The following DENR variants were observed in gnomAD, a reference collection of about 807,000 sequenced individuals.
DENR encodes the protein density regulated re-initiation and release factor, also known as density-regulated protein.
Under a neutral mutation model 30.6 loss-of-function variants are expected in DENR, and 6 were observed. That is an observed-to-expected ratio of 0.20 (90% CI 0.11 to 0.39). DENR has a LOEUF of 0.39. Ranked by LOEUF, DENR falls within the 10% of genes least tolerant of loss-of-function variation. The probability of loss-of-function intolerance (pLI) is 1.00; values close to 1 mark genes in which losing one functional copy is unlikely to be tolerated. For missense variants in DENR, 141 were observed against 230.9 expected (o/e 0.61, Z 2.52); for synonymous variants, 78 against 72.1 (o/e 1.08, Z -0.41).
At chr12:122,764,779 A>G (rs1234340211) in intron 4 of DENR, among the ~76,000 whole-genome samples, 1 of 152,172 alleles carries the variant, frequency 6.6e-6, no homozygotes, top group Non-Finnish European at 1.5e-5. Context: ...TGCCCCACTC[A>G]TTGCTCCTTG....
Position 122,753,794 on chromosome 12 carries a change from C to A in DENR, c.93C>A (p.Val31=). 1 of 1,613,504 alleles carries A rather than the reference C, an allele frequency of 6.2e-7. No homozygotes were observed. Among genetic ancestry groups the A allele is most frequent in the Non-Finnish European group, 8.5e-7 (1 of 1,179,610 alleles). ...AKLDADYPLR[V]LYCGVCSLPT... is the part of the protein sequence containing the mutation. ...TAGATGCCGATTACCCACTTCGAGTCCTTTATTGTGGAGGCAAGTGTTGGT... is the reference window on the plus strand; with the variant it reads ...TAGATGCCGATTACCCACTTCGAGTACTTTATTGTGGAGGCAAGTGTTGGT... The change falls in exon 2 of 8, where the codon GTC becomes GTA. Residue 31 remains valine (V), a synonymous_variant. Transcript: ENST00000280557.
chr12:122,763,649 C>T (rs1188702730), intron 4 of DENR, among the ~76,000 whole-genome samples: 1 of 152,058 alleles, frequency 6.6e-6, no homozygotes, highest in Non-Finnish European at 1.5e-5. Context: ...TGCAGTGAGC[C>T]GAGATGGCAC....
chr12:122,768,484 C>G (rs2135513243), intron 6 of DENR, among the ~76,000 whole-genome samples: 1 of 150,164 alleles, frequency 6.7e-6, no homozygotes, highest in South Asian at 2.1e-4. Flanking sequence ...GGCAACAGAG[C>G]AAGACTCCGT....
chr12:122,764,961 C>T (rs991854121), intron 4 of DENR, among the ~76,000 whole-genome samples: 4 of 152,136 alleles, frequency 2.6e-5, no homozygotes, highest in Admixed American at 1.3e-4. Context: ...CATGTCTGAG[C>T]GGGTGGGGAG....
At position 122,769,498 on chromosome 12, in the gene DENR, C is replaced by T; in HGVS notation, c.*420C>T. The T allele has an allele frequency of 6.2e-6, 6 of 968,362 alleles. No homozygotes were observed. Among genetic ancestry groups the T allele is most frequent in the Non-Finnish European group, 7.3e-6 (6 of 819,870 alleles). 60.0% of individuals were successfully genotyped at this position (968,362 alleles called of 1,614,324 possible). The stretch of plus-strand genomic sequence containing the variant: ...TTTGGTCATTTGGTACTGACTTTCT[C>T]TCTCTCTCTCTCTCTCTTTTTTTTT... On this transcript the variant is annotated 3_prime_UTR_variant, in exon 8 of 8. Coordinates refer to ENST00000280557, the MANE Select transcript of DENR (RefSeq NM_003677.5).
chr12:122,757,312 A>G (rs568095779), intron 2 of DENR, among the ~76,000 whole-genome samples: 2 of 152,346 alleles, frequency 1.3e-5, no homozygotes, highest in African/African-American at 4.8e-5. Context: ...ATTGTGCTCC[A>G]TATACAGAAA....
chr12:122,755,329 C>G (rs1878519233), intron 2 of DENR, among the ~76,000 whole-genome samples: 2 of 152,158 alleles, frequency 1.3e-5, no homozygotes, highest in South Asian at 4.1e-4. Context: ...CTTGTAATCC[C>G]AGCACTTTGG....
chr12:122,763,190 A>G (rs928253913), intron 4 of DENR: 3 of 280,690 alleles, frequency 1.1e-5, no homozygotes, highest in Non-Finnish European at 2.0e-5. Context: ...TCACAAGGTC[A>G]GGAGATCAAG....
At chr12:122,761,198 G>A (rs1314059505) in intron 2 of DENR, among the ~76,000 whole-genome samples, 2 of 152,086 alleles carry the variant, frequency 1.3e-5, no homozygotes, top group Admixed American at 6.5e-5. Context: ...GATTACCTGA[G>A]GTCAGGAGTT....
chr12:122,760,804 C>T (rs1266245099), intron 2 of DENR, among the ~76,000 whole-genome samples: 1 of 152,130 alleles, frequency 6.6e-6, no homozygotes, highest in Non-Finnish European at 1.5e-5. Context: ...GAAGCTTTTC[C>T]AGTTCTTCTA....
At chr12:122,766,734 T>C (rs1463425843) in intron 5 of DENR, among the ~76,000 whole-genome samples, 1 of 152,194 alleles carries the variant, frequency 6.6e-6, no homozygotes, top group Non-Finnish European at 1.5e-5. Context: ...CAGTTCTTGC[T>C]TCTGTTCTTT....
chr12:122,765,209 G>A, intron 4 of DENR, 95 bp from the exon 5 acceptor site: 5 of 885,632 alleles, frequency 5.6e-6, no homozygotes, highest in South Asian at 1.7e-5. Flanking sequence ...TTGGTAAGAT[G>A]CCTTATTTGT....
chr12:122,769,420 A>C lies in DENR; in HGVS notation c.*342A>C. ...TGTTTTTTTATTGCCAAAGTCAAAT[A>C]AACGGGAGACTGTCATGCTCATGCA... On this transcript the variant is annotated 3_prime_UTR_variant, in exon 8 of 8. Coordinates refer to ENST00000280557, the MANE Select transcript of DENR (RefSeq NM_003677.5). 1 of 987,400 alleles carries C rather than the reference A, an allele frequency of 1.0e-6. No homozygotes were observed. The highest frequency in any genetic ancestry group is 1.2e-6 in the Non-Finnish European group (1 of 831,088). The allele number at this position is 987,400 out of a possible 1,614,324, so 61.2% of individuals were successfully genotyped here. A position where few individuals can be genotyped will look rare whatever the true frequency, so the allele number is the denominator to read the frequency against.
At position 122,762,188 on chromosome 12, in the gene DENR, C is replaced by A; in HGVS notation, c.108C>A (p.Val36=). The change falls in exon 3 of 8, where the codon GTC becomes GTA. Residue 36 remains valine, a splice_region_variant and synonymous_variant. Coordinates refer to ENST00000280557, the MANE Select transcript of DENR (RefSeq NM_003677.5). ...TCTTTTTTCTTTTTACTTCCTCAGT[C>A]TGTTCATTACCAACAGAGGTAAGTT... The part of the protein sequence containing the change: ...DYPLRVLYCG[V]CSLPTEYCEY... 7.0e-7 allele frequency: 1 copy of A among 1,426,902 alleles called. No homozygotes were observed. The highest frequency in any genetic ancestry group is 1.3e-5 in the South Asian group (1 of 76,264). 88.4% of individuals were successfully genotyped at this position (1,426,902 alleles called of 1,614,324 possible). A position where few individuals can be genotyped will look rare whatever the true frequency, so the allele number is the denominator to read the frequency against.
chr12:122,755,360 A>G (rs564726467), intron 2 of DENR, among the ~76,000 whole-genome samples: 2 of 152,244 alleles, frequency 1.3e-5, no homozygotes, highest in South Asian at 4.2e-4. Context: ...CAGGCAGATC[A>G]TGAGGTCAGG....
At position 122,769,098 on chromosome 12, in the gene DENR, T is replaced by A. The variant is rs1878927373; in HGVS notation, c.*20T>A. 6.2e-7 allele frequency: 1 copy of A among 1,605,456 alleles called. No individual in the cohort carries two copies. The highest frequency in any genetic ancestry group is 1.3e-5 in the African/African-American group (1 of 74,604). On this transcript the variant is annotated 3_prime_UTR_variant, in exon 8 of 8. Coordinates refer to ENST00000280557, the MANE Select transcript of DENR (RefSeq NM_003677.5). ...AAGTGAATTTGAAAATTTGTCTGTATTTAATGGCCTGAACTGAGAGTTGAT... is the reference window on the plus strand; with the variant it reads ...AAGTGAATTTGAAAATTTGTCTGTAATTAATGGCCTGAACTGAGAGTTGAT...
intron 3 of DENR, 28 bp downstream of exon 3, chr12:122,762,234 T>A (rs78591962): frequency 0.053 from 71,513 of 1,352,092 alleles, 3,029 homozygotes; most frequent in East Asian, 0.26. Flanking sequence ...TTTTTTTACC[T>A]TATGTATTTG....
intron 2 of DENR, among the ~76,000 whole-genome samples, chr12:122,756,828 A>C (rs1878562263): frequency 6.6e-6 from 1 of 152,242 alleles, no homozygotes; most frequent in African/African-American, 2.4e-5. Context: ...GTGAAGTTAC[A>C]TGAAGATGAA....
chr12:122,753,251 A>G (rs1370191886), intron 1 of DENR, among the ~76,000 whole-genome samples: 1 of 94,896 alleles, frequency 1.1e-5, no homozygotes, highest in Non-Finnish European at 2.1e-5. Context: ...AGTTGCCCCC[A>G]CACCCTGCAC....
Sources: gnomAD v4.1 joint callset for allele counts (sites outside exome capture counted in the v4.1 genomes callset) on GRCh38, gnomAD v4.1.1 for gene constraint, MANE v1.5 for transcripts, NCBI Gene and HGNC (gene_info 2026-07-23, HGNC 2026-07-21) for gene names.